MASTL: variants seen among roughly 807,000 people sequenced by gnomAD.
The protein encoded by MASTL is microtubule associated serine/threonine kinase like.
A neutral mutation model predicts 82.5 loss-of-function variants in MASTL; 54 were observed. That is an observed-to-expected ratio of 0.65 (90% CI 0.53 to 0.82). The LOEUF is 0.82. Among genes scored for constraint, MASTL ranks in the 40% least tolerant of loss-of-function variants. The pLI is 0.00. For missense variants in MASTL, 950 were observed against 1,047.8 expected (o/e 0.91, Z 1.29); for synonymous variants, 323 against 368.9 (o/e 0.88, Z 1.43).
At chr10:27,186,338 G>A (rs768576429) in intron 11 of MASTL, 41 bp from the exon 12 acceptor site, 13 of 1,566,850 alleles carry the variant, frequency 8.3e-6, no homozygotes, top group Non-Finnish European at 7.9e-6. Flanking sequence ...TACTTACTTA[G>A]GTAATGATAT....
intron 7 of MASTL, 39 bp downstream of exon 7, chr10:27,167,313 A>T (rs1411443378): frequency 1.3e-6 from 2 of 1,520,846 alleles, no homozygotes; most frequent in Non-Finnish European, 9.1e-7. Flanking sequence ...TCAATTATGT[A>T]TGTCAAATGA....
rs919765256 is a variant in MASTL at position 27,180,976 on chromosome 10, C to G, written c.2290C>G (p.Leu764Val). 33 of 1,613,012 alleles carry G rather than the reference C, an allele frequency of 2.0e-5. No homozygotes were observed. The African/African-American group carries it at 2.3e-4, about 11-fold the overall frequency. ...AGGTCCTGCGGTAGACTGGTGGGCA[C>G]TTGGAGTTTGCTTGTTTGAATTTCT... ...AHGPAVDWWA[L>V]GVCLFEFLTG... The change falls in exon 10 of 12, where the codon CTT (leucine) becomes GTT (valine). Residue 764 changes from leucine to valine, a missense_variant. Transcript: ENST00000375940.
At position 27,170,091 on chromosome 10, in the gene MASTL, C is replaced by G; in HGVS notation, c.1132C>G (p.Leu378Val). 1 of 1,614,180 alleles carries G rather than the reference C, an allele frequency of 6.2e-7. No individual in the cohort carries two copies. Among genetic ancestry groups the G allele is most frequent in the Non-Finnish European group, 8.5e-7 (1 of 1,180,034 alleles). The change falls in exon 8 of 12, where the codon CTT becomes GTT. Residue 378 changes from leucine (L) to valine (V), a missense_variant. Leu to Val is a conservative substitution (Grantham distance 32). Coordinates refer to ENST00000375940, the MANE Select transcript of MASTL (RefSeq NM_001172303.3). Reference sequence around the variant, plus strand: ...TTCTCCCATTCATAACAGCAGTGCCCTTCCCACCACTGGACGCTCTTGTGT... The same window carrying G: ...TTCTCCCATTCATAACAGCAGTGCCGTTCCCACCACTGGACGCTCTTGTGT... ...ALSPIHNSSA[L>V]PTTGRSCVNL...
At chr10:27,154,555 C>A, upstream of MASTL, 1 of 397,246 alleles carries the variant, frequency 2.5e-6, no homozygotes, top group Non-Finnish European at 4.5e-6. Context: ...CCTTTACCCT[C>A]TTTGGACTTT....
At chr10:27,154,481 T>C (rs1162877307), upstream of MASTL, 5 of 552,742 alleles carry the variant, frequency 9.0e-6, no homozygotes, top group African/African-American at 7.6e-5. Context: ...CCCGCGGAAG[T>C]AGTTGACATT....
At chr10:27,174,527 A>G (rs907311676) in intron 9 of MASTL, among the ~76,000 whole-genome samples, 6 of 152,164 alleles carry the variant, frequency 3.9e-5, no homozygotes, top group African/African-American at 1.4e-4. Context: ...ATTGTTTCAC[A>G]GTTCTGGAAG....
At chr10:27,161,642 T>G (rs2057577310) in intron 4 of MASTL, among the ~76,000 whole-genome samples, 1 of 152,200 alleles carries the variant, frequency 6.6e-6, no homozygotes, top group Admixed American at 6.5e-5. Context: ...AATTTGTTAT[T>G]TATCCCAGAA....
At position 27,159,729 on chromosome 10, in the gene MASTL, C is replaced by T. The variant is rs768568744; in HGVS notation, c.435C>T (p.Asp145=). ...KYISEVALAL[D]YLHRHGIIHR... ...TTTCTGAAGTAGCACTGGCTCTAGA[C>T]TACCTTCACAGACATGGAATCATCC... Residue 145 remains aspartate, a synonymous_variant, in exon 3 of 12, where the codon GAC becomes GAT. Coordinates refer to ENST00000375940, the MANE Select transcript of MASTL (RefSeq NM_001172303.3). This position sits in a 1 kb window ranked among gnomAD's most constrained non-coding sequence, Gnocchi z 4.0. 6.2e-7 allele frequency: 1 copy of T among 1,611,848 alleles called. No individual in the cohort carries two copies. The highest frequency in any genetic ancestry group is 2.2e-5 in the East Asian group (1 of 44,792).
At chr10:27,171,461 C>G (rs1374985587) in intron 8 of MASTL, among the ~76,000 whole-genome samples, 1 of 148,506 alleles carries the variant, frequency 6.7e-6, no homozygotes, top group East Asian at 1.9e-4. Flanking sequence ...TTGAGACAGT[C>G]TCGTTCTTTT....
At chr10:27,162,354 A>G (rs2057597201) in intron 4 of MASTL, among the ~76,000 whole-genome samples, 1 of 152,224 alleles carries the variant, frequency 6.6e-6, no homozygotes, top group African/African-American at 2.4e-5. Context: ...ATGATTGATT[A>G]TCAACTTAGA....
chr10:27,174,931 T>C (rs1296074582), intron 9 of MASTL, among the ~76,000 whole-genome samples: 3 of 152,096 alleles, frequency 2.0e-5, no homozygotes, highest in African/African-American at 7.2e-5. Context: ...CTTCTACATG[T>C]TGATGTTAGT....
intron 11 of MASTL, among the ~76,000 whole-genome samples, 172 bp from the exon 12 acceptor site, chr10:27,186,207 T>C (rs1177099855): frequency 6.6e-6 from 1 of 152,244 alleles, no homozygotes; most frequent in Non-Finnish European, 1.5e-5. Context: ...ATGGCCCATG[T>C]AGACCTTTGT....
chr10:27,178,395 C>CA (rs35522896), intron 9 of MASTL, among the ~76,000 whole-genome samples: 10,953 of 130,960 alleles, frequency 0.084, 730 homozygotes, highest in East Asian at 0.31. Context: ...GACTCCATCT[C>CA]AAAAAAAAAA....
At chr10:27,157,820 A>G (rs1226522437) in intron 1 of MASTL, among the ~76,000 whole-genome samples, 1 of 151,802 alleles carries the variant, frequency 6.6e-6, no homozygotes. Flanking sequence ...CAAACTTCCG[A>G]CATTCTTCCT....
chr10:27,186,004 G>A (rs1172844691), intron 11 of MASTL, among the ~76,000 whole-genome samples: 1 of 152,102 alleles, frequency 6.6e-6, no homozygotes, highest in East Asian at 1.9e-4. Flanking sequence ...TAGGAGAATC[G>A]CTTGAACCCG....
chr10:27,162,669 GA>G (rs773505203), intron 4 of MASTL, among the ~76,000 whole-genome samples: 3 of 148,856 alleles, frequency 2.0e-5, no homozygotes, highest in East Asian at 2.0e-4. Flanking sequence ...ACTCCATCTC[GA>G]AAAAAAAAGA....
intron 9 of MASTL, 75 bp downstream of exon 9, chr10:27,173,334 A>C (rs1235438207): frequency 6.4e-7 from 1 of 1,558,880 alleles, no homozygotes; most frequent in African/African-American, 1.4e-5. Context: ...ATTTTAAAAA[A>C]TTTCTTCAGT....
At chr10:27,163,529 ATACGTGTAT>A (rs946364030) in intron 4 of MASTL, among the ~76,000 whole-genome samples, 24 of 152,290 alleles carry the variant, frequency 1.6e-4, no homozygotes, top group Middle Eastern at 3.4e-3. Flanking sequence ...AAAATATCAT[ATACGTGTAT>A]TATTATTATC....
At chr10:27,171,126 A>G (rs1361096970) in intron 8 of MASTL, 43 bp downstream of exon 8, 1 of 1,539,584 alleles carries the variant, frequency 6.5e-7, no homozygotes. Context: ...GATTTTAGAA[A>G]AACTATGAAG....
Sources: gnomAD v4.1 joint callset for allele counts (sites outside exome capture counted in the v4.1 genomes callset) on GRCh38, gnomAD v4.1.1 for gene constraint, Gnocchi (gnomAD v3.1) non-coding constraint, MANE v1.5 for transcripts, NCBI Gene and HGNC (gene_info 2026-07-23, HGNC 2026-07-21) for gene names.